KANSL1L: variants seen among roughly 807,000 people sequenced by gnomAD.
KANSL1L encodes the protein KAT8 regulatory NSL complex subunit 1-like protein.
A neutral mutation model predicts 108.6 loss-of-function variants in KANSL1L; 25 were observed. The ratio of observed to expected loss-of-function variants is 0.23; its 90% CI spans 0.17 to 0.32. KANSL1L has a LOEUF of 0.32. KANSL1L is among the 10% of genes least tolerant of loss of function. The probability of loss-of-function intolerance (pLI) is 1.00; values close to 1 mark genes in which losing one functional copy is unlikely to be tolerated. For missense variants in KANSL1L, 1,137 were observed against 1,125.7 expected (o/e 1.01, Z -0.14); for synonymous variants, 405 against 395.1 (o/e 1.03, Z -0.30).
chr2:210,155,825 C>G (rs1257544203), intron 1 of KANSL1L, among the ~76,000 whole-genome samples: 4 of 152,140 alleles, frequency 2.6e-5, no homozygotes, highest in Non-Finnish European at 5.9e-5. Flanking sequence ...TTTGTTTCAA[C>G]ACATAATAGT....
At chr2:210,108,049 AG>A (rs1394679355) in intron 3 of KANSL1L, among the ~76,000 whole-genome samples, 2 of 152,198 alleles carry the variant, frequency 1.3e-5, no homozygotes, top group Non-Finnish European at 2.9e-5. Flanking sequence ...TTCTATTTCA[AG>A]ACAGTACTGG....
chr2:210,103,999 A>G, intron 4 of KANSL1L, 105 bp downstream of exon 4: 4 of 852,434 alleles, frequency 4.7e-6, no homozygotes, highest in Non-Finnish European at 5.7e-6. Flanking sequence ...CTAGTTTAAT[A>G]ACACATATGC....
At chr2:210,111,884 T>TC (rs1186810876) in intron 3 of KANSL1L, among the ~76,000 whole-genome samples, 1 of 106,434 alleles carries the variant, frequency 9.4e-6, no homozygotes, top group Non-Finnish European at 2.0e-5. Context: ...CGCTGCCCCC[T>TC]CCCCCCACCC....
In KANSL1L at chr2:210,141,661, G is replaced by A. The variant is rs1051361533; in HGVS notation, c.1088+11834C>T. The stretch of plus-strand genomic sequence containing the variant: ...TAGCCCAAGCAGATGAAATGGTCGA[G>A]GAAAAGGTATCAAGTTTTTGCCACT... On this transcript the variant is annotated intron_variant, in intron 2 of 14. Coordinates refer to ENST00000281772, the MANE Select transcript of KANSL1L (RefSeq NM_152519.4). Among the ~76,000 whole-genome samples the A allele has an allele frequency of 3.3e-4, 50 of 152,136 alleles. 1 individual carries two copies. The highest frequency in any genetic ancestry group is 1.0e-3 in the African/African-American group (42 of 41,424).
intron 3 of KANSL1L, 28 bp downstream of exon 3, chr2:210,129,003 A>G (rs2095094813): frequency 6.4e-7 from 1 of 1,566,384 alleles, no homozygotes; most frequent in African/African-American, 1.4e-5. Context: ...ATTTTTAACA[A>G]AAGTAGAAGA....
intron 6 of KANSL1L, among the ~76,000 whole-genome samples, chr2:210,051,948 T>TA (rs1000226947): frequency 1.3e-5 from 2 of 151,766 alleles, no homozygotes; most frequent in Non-Finnish European, 2.9e-5. Context: ...GTTCTTATAC[T>TA]AAAAAATTTT....
intron 6 of KANSL1L, among the ~76,000 whole-genome samples, chr2:210,061,599 A>G (rs1429516086): frequency 6.6e-6 from 1 of 152,212 alleles, no homozygotes; most frequent in Admixed American, 6.5e-5. Flanking sequence ...CTACCAGTGT[A>G]TTTTCTGGAT....
At chr2:210,163,567 G>A (rs2095372270) in intron 1 of KANSL1L, among the ~76,000 whole-genome samples, 2 of 152,162 alleles carry the variant, frequency 1.3e-5, no homozygotes, top group South Asian at 2.1e-4. Context: ...GGGAATACCA[G>A]AAGGAGAAGA....
chr2:210,028,637 C>A, intron 11 of KANSL1L: 2 of 427,130 alleles, frequency 4.7e-6, no homozygotes, highest in Non-Finnish European at 8.2e-6. Context: ...TCTAGGAATT[C>A]CTAAATCTTA....
Position 210,153,908 on chromosome 2 carries a change from A to C in KANSL1L, c.675T>G (p.Leu225=). The C allele has an allele frequency of 6.2e-7, 1 of 1,613,364 alleles. No individual in the cohort carries two copies. Among genetic ancestry groups the C allele is most frequent in the South Asian group, 1.1e-5 (1 of 90,922 alleles). Residue 225 remains leucine (L), a synonymous_variant, in exon 2 of 15, where the codon CTT becomes CTG. Transcript: ENST00000281772. The part of the protein sequence containing the change: ...EKEEEVHARL[L]HCVSKQKILL... ...AAATTTTCTGTTTGCTTACACAATG[A>C]AGTAAACGAGCATGTACTTCCTCCT...
intron 6 of KANSL1L, among the ~76,000 whole-genome samples, chr2:210,053,814 T>G (rs2094319209): frequency 6.6e-6 from 1 of 152,014 alleles, no homozygotes; most frequent in African/African-American, 2.4e-5. Context: ...TTCCTTAATA[T>G]ATATGTATAT....
intron 6 of KANSL1L, among the ~76,000 whole-genome samples, chr2:210,057,934 T>G (rs2094371919): frequency 6.6e-6 from 1 of 152,160 alleles, no homozygotes; most frequent in South Asian, 2.1e-4. Context: ...TTGCATTAAC[T>G]GCACAAATTG....
intron 2 of KANSL1L, 114 bp downstream of exon 2, chr2:210,153,381 A>T: frequency 1.3e-6 from 1 of 780,098 alleles, no homozygotes. Context: ...AAAAAAAAAA[A>T]GATTATAGCA....
At chr2:210,138,418 T>C (rs942279748) in intron 2 of KANSL1L, among the ~76,000 whole-genome samples, 1 of 152,050 alleles carries the variant, frequency 6.6e-6, no homozygotes, top group Non-Finnish European at 1.5e-5. Flanking sequence ...TTCAGTATCA[T>C]GGAATATACA....
At chr2:210,135,000 A>T in intron 2 of KANSL1L, among the ~76,000 whole-genome samples, 1 of 152,150 alleles carries the variant, frequency 6.6e-6, no homozygotes, top group East Asian at 1.9e-4. Flanking sequence ...GACAAATGAC[A>T]AGGGAGCTTA....
intron 8 of KANSL1L, among the ~76,000 whole-genome samples, chr2:210,037,559 A>G (rs1478712872): frequency 2.0e-5 from 3 of 152,024 alleles, no homozygotes; most frequent in Non-Finnish European, 4.4e-5. Context: ...TTTTCTCTTT[A>G]ATTTTTACTG....
intron 3 of KANSL1L, among the ~76,000 whole-genome samples, chr2:210,105,306 AC>A (rs1559559698): frequency 3.4e-5 from 5 of 148,342 alleles, no homozygotes; most frequent in Admixed American, 1.4e-4. Flanking sequence ...TACTGATATT[AC>A]ATATATTATA....
chr2:210,123,352 A>C (rs927103611), intron 3 of KANSL1L, among the ~76,000 whole-genome samples: 7 of 152,146 alleles, frequency 4.6e-5, no homozygotes, highest in African/African-American at 1.7e-4. Flanking sequence ...ACAGTGATAA[A>C]AAAGACTGAG....
chr2:210,063,791 G>A (rs2094442382), intron 6 of KANSL1L: 1 of 152,076 alleles, frequency 6.6e-6, no homozygotes, highest in Non-Finnish European at 1.5e-5. Context: ...CAGGCTCATA[G>A]GCGAAAGGGA....
Sources: allele counts gnomAD v4.1 joint callset (sites outside exome capture counted in the v4.1 genomes callset), GRCh38; gene constraint gnomAD v4.1.1; transcripts MANE v1.5; gene names NCBI Gene and HGNC (gene_info 2026-07-23, HGNC 2026-07-21).